ZNF532: variants seen among roughly 807,000 people sequenced by gnomAD.
The protein encoded by ZNF532 is zinc finger protein 532.
ZNF532 carries 22 observed loss-of-function variants against 89.3 expected under a neutral mutation model. The observed-to-expected ratio is 0.25, with a 90% CI of 0.18 to 0.35. ZNF532 has a LOEUF of 0.35. Ranked by LOEUF, ZNF532 falls within the 10% of genes least tolerant of loss-of-function variation. ZNF532 has a pLI of 1.00. For synonymous variants in ZNF532, 606 were observed against 649.6 expected (o/e 0.93, Z 1.02); for missense variants, 1,132 against 1,643.4 (o/e 0.69, Z 5.38).
chr18:58,944,455 TC>T (rs1163524002), intron 5 of ZNF532, among the ~76,000 whole-genome samples: 19 of 152,072 alleles, frequency 1.2e-4, no homozygotes, highest in Admixed American at 1.3e-4. Flanking sequence ...GGTCCAGACT[TC>T]CAGGTTTGGC....
At position 58,942,317 on chromosome 18, in the gene ZNF532, T is replaced by C. The variant is rs868061689; in HGVS notation, c.2705+2696T>C. Among the ~76,000 whole-genome samples the C allele has an allele frequency of 4.3e-3, 342 of 79,216 alleles. 5 individuals carry two copies. The highest frequency in any genetic ancestry group is 0.016 in the African/African-American group (266 of 16,682). The allele number at this position is 79,216 out of a possible 152,430, so 52.0% of individuals were successfully genotyped here. On this transcript the variant is annotated intron_variant, in intron 5 of 9. Transcript: ENST00000591808. ...GATTACAGGCGTGAGCCACCGCGCC[T>C]GGCCCCTCCCTCCCTCCCTCCCTCC...
chr18:58,905,253 C>T (rs1209051210), intron 2 of ZNF532, among the ~76,000 whole-genome samples: 1 of 152,126 alleles, frequency 6.6e-6, no homozygotes, highest in Non-Finnish European at 1.5e-5. Context: ...AGCCAATATC[C>T]AGAGCTGTTA....
chr18:58,884,775 G>GA (rs200257236), intron 2 of ZNF532, among the ~76,000 whole-genome samples: 4 of 151,760 alleles, frequency 2.6e-5, no homozygotes, highest in Non-Finnish European at 5.9e-5. Flanking sequence ...TTCATTAAGG[G>GA]AAAAAAAGGC....
Position 58,903,613 on chromosome 18 carries a change from GAGA to G in ZNF532, c.-17-14653_-17-14651del, listed in dbSNP as rs530401226. ...GCCAGGGAAGTGGGCAGGGCCCAGG[GAGA>G]AGAATTGGAGGTGAAATTCTTAGTT... On this transcript the variant is annotated intron_variant, in intron 2 of 9. Transcript: ENST00000591808. Among the ~76,000 whole-genome samples, 174 of 152,238 alleles carry G rather than the reference GAGA, an allele frequency of 1.1e-3. 2 individuals are homozygous for G. Among genetic ancestry groups the G allele is most frequent in the Middle Eastern group, 3.4e-3 (1 of 294 alleles).
At chr18:58,925,097 G>T (rs1171647170) in intron 3 of ZNF532, among the ~76,000 whole-genome samples, 2 of 152,064 alleles carry the variant, frequency 1.3e-5, no homozygotes, top group African/African-American at 4.8e-5. Flanking sequence ...AGGTTTTTTT[G>T]TGGACATAAG....
chr18:58,933,632 CTTTAAGTTTTT>C (rs2062136999), intron 3 of ZNF532, among the ~76,000 whole-genome samples: 1 of 151,998 alleles, frequency 6.6e-6, no homozygotes, highest in Non-Finnish European at 1.5e-5. Context: ...TTTATGTTTA[CTTTAAGTTTTT>C]TTGGTTTTGT....
In ZNF532 at chr18:58,927,150, G is replaced by GT. The variant is rs2061591345; in HGVS notation, c.2346+6520dup. Among the ~76,000 whole-genome samples, 3 of 152,086 alleles carry GT rather than the reference G, an allele frequency of 2.0e-5. No individual in the cohort carries two copies. The South Asian group carries it at 6.2e-4, about 32-fold the overall frequency. ...TGGGCCTAGAGATTTCTTTTCTAGGGTTTAAAAAAATACCTGTTGGGCTGG... is the reference window on the plus strand; with the variant it reads ...TGGGCCTAGAGATTTCTTTTCTAGGGTTTTAAAAAAATACCTGTTGGGCTGG... On this transcript the variant is annotated intron_variant, in intron 3 of 9. Coordinates refer to ENST00000591808, the MANE Select transcript of ZNF532 (RefSeq NM_001375912.1).
intron 5 of ZNF532, among the ~76,000 whole-genome samples, chr18:58,941,331 G>A (rs1187756153): frequency 3.9e-5 from 6 of 152,230 alleles, no homozygotes; most frequent in Admixed American, 3.3e-4. Flanking sequence ...TGTCAGAAAT[G>A]TGTGTGACAT....
chr18:58,919,141 A>G lies in ZNF532; in HGVS notation c.854A>G (p.Asp285Gly), dbSNP rs768233565. ...AALSAKKAAS[D>G]SCKEPVANSR... ...CTCAGCGCTAAAAAGGCGGCTTCAG[A>G]CTCCTGCAAAGAACCAGTGGCCAAT... The change falls in exon 3 of 10, where the codon GAC becomes GGC. Residue 285 changes from aspartate to glycine, a missense_variant. Physicochemically the swap from Asp to Gly is moderately conservative, Grantham distance 94. Around this residue, in one of 9 missense-constraint regions of ZNF532, gnomAD observed 302 missense variants for 319.8 expected, o/e 0.94. Coordinates refer to ENST00000591808, the MANE Select transcript of ZNF532 (RefSeq NM_001375912.1). This position sits in a 1 kb window ranked among gnomAD's most constrained non-coding sequence, Gnocchi z 6.1. 11 of 1,614,094 alleles carry G rather than the reference A, an allele frequency of 6.8e-6. No individual in the cohort carries two copies. The highest frequency in any genetic ancestry group is 8.5e-6 in the Non-Finnish European group (10 of 1,180,016).
chr18:58,863,914 C>T (rs2056195257), upstream of ZNF532, among the ~76,000 whole-genome samples: 1 of 151,940 alleles, frequency 6.6e-6, no homozygotes, highest in Non-Finnish European at 1.5e-5. Context: ...AGGCTCAGGC[C>T]CCTGGGCCTG....
chr18:58,959,137 C>A (rs2065071866), intron 7 of ZNF532, among the ~76,000 whole-genome samples: 1 of 152,156 alleles, frequency 6.6e-6, no homozygotes, highest in Non-Finnish European at 1.5e-5. Flanking sequence ...GCCTGGTTCT[C>A]CTACACATCA....
chr18:58,885,269 A>G (rs6567033), intron 2 of ZNF532, among the ~76,000 whole-genome samples: 88,046 of 152,088 alleles, frequency 0.58, 27,076 homozygotes, highest in African/African-American at 0.79. Context: ...AATTACAGGC[A>G]TGAGCCACAG....
In ZNF532 at chr18:58,918,445, C is replaced by T; in HGVS notation, c.158C>T (p.Ala53Val). The change falls in exon 3 of 10, where the codon GCA (alanine) becomes GTA (valine). Residue 53 changes from alanine to valine, a missense_variant. This residue lies in a region of ZNF532 where 302 missense variants were observed against 319.8 expected (regional missense o/e 0.94). Transcript: ENST00000591808. The part of the protein sequence containing the change: ...QNAHGEDDSH[A>V]PSSSDVGVSV... ...GCTCACGGAGAGGATGACTCCCACGCACCATCATCTTCTGATGTGGGTGTC... is the reference window on the plus strand; with the variant it reads ...GCTCACGGAGAGGATGACTCCCACGTACCATCATCTTCTGATGTGGGTGTC... The T allele has an allele frequency of 1.2e-6, 2 of 1,614,192 alleles. No homozygotes were observed. The highest frequency in any genetic ancestry group is 2.2e-5 in the East Asian group (1 of 44,880).
intron 7 of ZNF532, among the ~76,000 whole-genome samples, chr18:58,976,809 C>T (rs1427249572): frequency 1.3e-5 from 2 of 152,174 alleles, no homozygotes; most frequent in African/African-American, 2.4e-5. Context: ...AGCCACTGCG[C>T]CCAGCCTCAG....
chr18:58,938,283 C>T (rs1323846389), intron 4 of ZNF532, among the ~76,000 whole-genome samples: 4 of 152,128 alleles, frequency 2.6e-5, no homozygotes, highest in Non-Finnish European at 4.4e-5. Flanking sequence ...TGCAGAGAGA[C>T]CACTCTTAAA....
At chr18:58,911,679 C>T (rs985075903) in intron 2 of ZNF532, among the ~76,000 whole-genome samples, 2 of 152,128 alleles carry the variant, frequency 1.3e-5, no homozygotes, top group African/African-American at 4.8e-5. Context: ...AGAGCCAGGT[C>T]CTGTGTCAAA....
chr18:58,966,738 GTTT>G (rs540133909), intron 7 of ZNF532, among the ~76,000 whole-genome samples: 1 of 125,994 alleles, frequency 7.9e-6, no homozygotes, highest in Non-Finnish European at 1.7e-5. Flanking sequence ...ATTTTTTTGT[GTTT>G]TTTTTTTTTT....
rs779802131 is a variant in ZNF532, at chr18:58,919,485, A to C, written c.1198A>C (p.Met400Leu). The part of the protein sequence containing the change: ...KKPSEQTASV[M>L]ASVTSLLSSP... The stretch of plus-strand genomic sequence containing the variant: ...ACCTTCCGAGCAGACAGCGTCCGTG[A>C]TGGCCTCTGTGACATCCCTTCTGTC... Residue 400 changes from methionine to leucine, a missense_variant, in exon 3 of 10, where the codon ATG becomes CTG. Physicochemically the swap from Met to Leu is conservative, Grantham distance 15 (BLOSUM62 2). Around this residue, in one of 9 missense-constraint regions of ZNF532, gnomAD observed 124 missense variants for 191.6 expected, o/e 0.65. Transcript: ENST00000591808. The surrounding 1 kb of genome is among the most constrained non-coding windows in gnomAD (Gnocchi z 6.1). The C allele has an allele frequency of 1.9e-6, 3 of 1,614,146 alleles. No homozygotes were observed. The highest frequency in any genetic ancestry group is 2.2e-5 in the South Asian group (2 of 91,078).
chr18:58,975,136 G>A (rs1003620751), intron 7 of ZNF532, among the ~76,000 whole-genome samples: 3 of 152,166 alleles, frequency 2.0e-5, no homozygotes, highest in African/African-American at 4.8e-5. Flanking sequence ...CTGCTGCTGT[G>A]CTATATTTAA....
Sources: allele counts gnomAD v4.1 joint callset (sites outside exome capture counted in the v4.1 genomes callset), GRCh38; gene constraint gnomAD v4.1.1; regional missense constraint gnomAD v4.1.1; non-coding constraint Gnocchi (gnomAD v3.1); transcripts MANE v1.5; gene names NCBI Gene and HGNC (gene_info 2026-07-23, HGNC 2026-07-21).